Variants in MAFK observed in about 807,000 individuals in gnomAD.
MAFK encodes MAF bZIP transcription factor K.
A neutral mutation model predicts 9.2 loss-of-function variants in MAFK; 1 was observed. The observed-to-expected ratio is 0.11, with a 90% CI of 0.04 to 0.52. The LOEUF is 0.52. Among genes scored for constraint, MAFK ranks in the 20% least tolerant of loss-of-function variants. The pLI is 0.94. For missense variants in MAFK, 207 were observed against 236.0 expected, an observed-to-expected ratio of 0.88 and a Z score of 0.81; for synonymous variants, 110 against 107.4, an observed-to-expected ratio of 1.02 and a Z score of -0.15.
Position 1,534,691 on chromosome 7 carries a change from G to C in MAFK, c.-45+3793G>C. 4.4e-6 allele frequency: 2 copies of C among 455,214 alleles called. No individual in the cohort carries two copies. Among genetic ancestry groups the C allele is most frequent in the South Asian group, 3.1e-5 (2 of 64,524 alleles). The allele number at this position is 455,214 out of a possible 1,614,324, so 28.2% of individuals were successfully genotyped here. ...GCTGAGGGGGTGGGGCATGGAGTCT[G>C]TGTCATCATTCACCCCTTGGGCAAG... On this transcript the variant is annotated intron_variant, in intron 1 of 2. Coordinates refer to ENST00000343242, the MANE Select transcript of MAFK (RefSeq NM_002360.4). This position sits in a 1 kb window ranked among gnomAD's most constrained non-coding sequence, Gnocchi z 4.3.
In MAFK at chr7:1,533,187, G is replaced by A. The variant is rs545063291; in HGVS notation, c.-45+2289G>A. 1.4e-4 allele frequency among the ~76,000 whole-genome samples: 22 copies of A among 152,326 alleles called. No individual in the cohort carries two copies. The South Asian group carries it at 3.1e-3, about 22-fold the overall frequency. ...GGTCTGCTGGCCTGTCCCACAGGCC[G>A]GTGGGGTCTGGTGTAGAGCCTTCCT... On this transcript the variant is annotated intron_variant, in intron 1 of 2. Transcript: ENST00000343242.
rs1784203537 is a variant in MAFK at position 1,541,955 on chromosome 7, C to G, written c.*1580C>G. 6.6e-6 allele frequency: 1 copy of G among 152,268 alleles called. No homozygotes were observed. Among genetic ancestry groups the G allele is most frequent in the South Asian group, 2.1e-4 (1 of 4,842 alleles). 9.4% of individuals were successfully genotyped at this position (152,268 alleles called of 1,614,324 possible). On this transcript the variant is annotated 3_prime_UTR_variant, in exon 3 of 3. Coordinates refer to ENST00000343242, the MANE Select transcript of MAFK (RefSeq NM_002360.4). ...GGGCCCTGGCTCCTTCTCGGCTGCC[C>G]CTGCCCACCCAGTAACAGCCCCCAC...
rs1214295584 is a variant in MAFK, at chr7:1,534,741, C to T, written c.-45+3843C>T. 1 of 429,672 alleles carries T rather than the reference C, an allele frequency of 2.3e-6. No individual in the cohort carries two copies. Among genetic ancestry groups the T allele is most frequent in the South Asian group, 1.6e-5 (1 of 62,800 alleles). The allele number at this position is 429,672 out of a possible 1,614,324, so 26.6% of individuals were successfully genotyped here. ...GAACAAGTGACCCATCCAGAGCCCC[C>T]ATGCTGGCCTCGTAGAGCGAGCGGC... On this transcript the variant is annotated intron_variant, in intron 1 of 2. Coordinates refer to ENST00000343242, the MANE Select transcript of MAFK (RefSeq NM_002360.4). This position sits in a 1 kb window ranked among gnomAD's most constrained non-coding sequence, Gnocchi z 4.3.
In MAFK at chr7:1,534,019, C is replaced by T. The variant is rs565786240; in HGVS notation, c.-45+3121C>T. 1.8e-4 allele frequency: 65 copies of T among 354,124 alleles called. No homozygotes were observed. The highest frequency in any genetic ancestry group is 5.1e-4 in the African/African-American group (24 of 46,872). The allele number at this position is 354,124 out of a possible 1,614,324, so 21.9% of individuals were successfully genotyped here. On this transcript the variant is annotated intron_variant, in intron 1 of 2. Transcript: ENST00000343242. This position sits in a 1 kb window ranked among gnomAD's most constrained non-coding sequence, Gnocchi z 4.3. ...CTGCCTGAGTCACCTCTGGATGTAG[C>T]GGAATGACACAGCTTCCTCAGACTG...
chr7:1,539,691 G>T (rs1784129088), intron 2 of MAFK, among the ~76,000 whole-genome samples: 1 of 152,228 alleles, frequency 6.6e-6, no homozygotes, highest in Non-Finnish European at 1.5e-5. Flanking sequence ...GGGCTCTGAG[G>T]CTGTCGGTAA....
chr7:1,531,346 C>A (rs1039391482), intron 1 of MAFK, among the ~76,000 whole-genome samples: 2 of 152,032 alleles, frequency 1.3e-5, no homozygotes, highest in African/African-American at 4.8e-5. Flanking sequence ...CCCAGCGTGG[C>A]TTCCGCGTGC....
intron 1 of MAFK, among the ~76,000 whole-genome samples, chr7:1,531,260 GGGGCGGGGCGGGGCGGGCGCCACGTGC>G (rs1305988525): frequency 6.7e-6 from 1 of 150,042 alleles, no homozygotes; most frequent in Non-Finnish European, 1.5e-5. Flanking sequence ...ACACCTGCGG[GGGGCGGGGCGGGGCGGGCGCCACGTGC>G]GGGCGGTGCG....
In MAFK at chr7:1,542,750, A is replaced by G. The variant is rs982418089; in HGVS notation, c.*2375A>G. ...CTGTCTCCGTGCCTCCGGCTTCCCAAAGAGATCCAGGTCTTTGCGTTTCCA... is the reference window on the plus strand; with the variant it reads ...CTGTCTCCGTGCCTCCGGCTTCCCAGAGAGATCCAGGTCTTTGCGTTTCCA... On this transcript the variant is annotated 3_prime_UTR_variant, in exon 3 of 3. Coordinates refer to ENST00000343242, the MANE Select transcript of MAFK (RefSeq NM_002360.4). The G allele has an allele frequency of 6.6e-6, 1 of 152,540 alleles. No individual in the cohort carries two copies. The highest frequency in any genetic ancestry group is 1.5e-5 in the Non-Finnish European group (1 of 68,030). The allele number at this position is 152,540 out of a possible 1,614,324, so 9.4% of individuals were successfully genotyped here.
rs895661984 is a variant in MAFK, at chr7:1,532,456, C to G, written c.-45+1558C>G. ...TTTTAAAACTAGACCTCTCATTATT[C>G]CAAAATAAGACATTTATTAAAGCAG... On this transcript the variant is annotated intron_variant, in intron 1 of 2. Coordinates refer to ENST00000343242, the MANE Select transcript of MAFK (RefSeq NM_002360.4). This position sits in a 1 kb window ranked among gnomAD's most constrained non-coding sequence, Gnocchi z 4.5. Among the ~76,000 whole-genome samples, 2 of 152,214 alleles carry G rather than the reference C, an allele frequency of 1.3e-5. No homozygotes were observed. The highest frequency in any genetic ancestry group is 2.9e-5 in the Non-Finnish European group (2 of 68,052).
chr7:1,538,236 C>T (rs1315333826), intron 1 of MAFK: 3 of 982,346 alleles, frequency 3.1e-6, no homozygotes, highest in Non-Finnish European at 3.6e-6. Context: ...ATGTGTGACA[C>T]AATGCAGACG....
intron 2 of MAFK, among the ~76,000 whole-genome samples, chr7:1,539,540 AG>A (rs1562546855): frequency 9.4e-6 from 1 of 106,104 alleles, no homozygotes; most frequent in African/African-American, 4.2e-5. Flanking sequence ...CAGCGTGGCC[AG>A]CGTGGCCTCT....
At chr7:1,539,915 G>T (rs1312985091) in intron 2 of MAFK, 26 bp from the exon 3 acceptor site, 4 of 1,486,522 alleles carry the variant, frequency 2.7e-6, no homozygotes, top group Admixed American at 2.2e-5. Context: ...TTCTCCCGCC[G>T]CTGACCCCGC....
In MAFK at chr7:1,541,009, G is replaced by A. The variant is rs887510575; in HGVS notation, c.*634G>A. 3 of 153,922 alleles carry A rather than the reference G, an allele frequency of 1.9e-5. No individual in the cohort carries two copies. Among genetic ancestry groups the A allele is most frequent in the Non-Finnish European group, 2.9e-5 (2 of 69,012 alleles). The allele number at this position is 153,922 out of a possible 1,614,324, so 9.5% of individuals were successfully genotyped here. On this transcript the variant is annotated 3_prime_UTR_variant, in exon 3 of 3. Transcript: ENST00000343242. Reference sequence around the variant, plus strand: ...AGGTCGCCTGCGTGGGGTGGTGTCTGTGTGTGTGCACGCACGCCTGCCATC... The same window carrying A: ...AGGTCGCCTGCGTGGGGTGGTGTCTATGTGTGTGCACGCACGCCTGCCATC...
Position 1,531,601 on chromosome 7 carries a change from G to T in MAFK, c.-45+703G>T, listed in dbSNP as rs1783907560. Among the ~76,000 whole-genome samples the T allele has an allele frequency of 2.0e-5, 3 of 152,220 alleles. No individual in the cohort carries two copies. The South Asian group carries it at 6.2e-4, about 31-fold the overall frequency. ...GTCCCTTTGCTCACGTGTGGGGCAG[G>T]GGCTCCGGCCTCTTCCCGCTCCCAC... On this transcript the variant is annotated intron_variant, in intron 1 of 2. Transcript: ENST00000343242.
intron 1 of MAFK, chr7:1,538,913 G>T (rs987096734): frequency 1.1e-5 from 5 of 465,530 alleles, no homozygotes; most frequent in African/African-American, 8.1e-5. Context: ...AGAGTGTGAG[G>T]TGCAGCCAGA....
chr7:1,531,766 C>T (rs543752590), intron 1 of MAFK, among the ~76,000 whole-genome samples: 3 of 152,296 alleles, frequency 2.0e-5, no homozygotes, highest in South Asian at 4.1e-4. Flanking sequence ...GCCAGGACCC[C>T]GCCTGGCCTT....
At chr7:1,535,104 T>G in intron 1 of MAFK, among the ~76,000 whole-genome samples, 1 of 147,858 alleles carries the variant, frequency 6.8e-6, no homozygotes, top group East Asian at 2.0e-4. Context: ...TTTTTTTTTG[T>G]AGAGATGGGG....
In MAFK at chr7:1,539,215, A is replaced by G; in HGVS notation, c.23A>G (p.Asn8Ser). The G allele has an allele frequency of 1.9e-6, 3 of 1,611,736 alleles. No homozygotes were observed. Among genetic ancestry groups the G allele is most frequent in the East Asian group, 2.2e-5 (1 of 44,780 alleles). Residue 8 changes from asparagine to serine, a missense_variant, in exon 2 of 3, where the codon AAT becomes AGT. Coordinates refer to ENST00000343242, the MANE Select transcript of MAFK (RefSeq NM_002360.4). ...GTTATGACGACTAATCCCAAACCGA[A>G]TAAGGCATTAAAGGTAAGGCTGGTT... The part of the protein sequence containing the change: MTTNPKP[N>S]KALKVKKEAG...
chr7:1,539,955 G>A lies in MAFK; in HGVS notation c.51G>A (p.Ala17=), dbSNP rs769350505. The change falls in exon 3 of 3, where the codon GCG becomes GCA. Residue 17 remains alanine (A), a synonymous_variant. Coordinates refer to ENST00000343242, the MANE Select transcript of MAFK (RefSeq NM_002360.4). ...TGGCCCCCCAGGTCAAGAAGGAGGC[G>A]GGCGAGAACGCCCCGGTGCTCAGCG... ...PNKALKVKKE[A]GENAPVLSDD... 18 of 1,533,430 alleles carry A rather than the reference G, an allele frequency of 1.2e-5. No individual in the cohort carries two copies. The highest frequency in any genetic ancestry group is 1.6e-5 in the Non-Finnish European group (18 of 1,135,648). The allele number at this position is 1,533,430 out of a possible 1,614,324, so 95.0% of individuals were successfully genotyped here. A position where few individuals can be genotyped will look rare whatever the true frequency, so the allele number is the denominator to read the frequency against.
Sources: allele counts gnomAD v4.1 joint callset (sites outside exome capture counted in the v4.1 genomes callset), GRCh38; gene constraint gnomAD v4.1.1; non-coding constraint Gnocchi (gnomAD v3.1); transcripts MANE v1.5; gene names NCBI Gene and HGNC (gene_info 2026-07-23, HGNC 2026-07-21).